Variants in PTPRQ observed in about 807,000 individuals in gnomAD.
The protein encoded by PTPRQ is phosphatidylinositol phosphatase PTPRQ.
Under a neutral mutation model 246.0 loss-of-function variants are expected in PTPRQ, and 199 were observed. The ratio of observed to expected loss-of-function variants is 0.81; its 90% confidence interval spans 0.72 to 0.91. The LOEUF (loss-of-function observed/expected upper bound fraction) is 0.91. Among genes scored for constraint, PTPRQ ranks in the 40% least tolerant of loss-of-function variants. The pLI is 0.00. For missense variants in PTPRQ, 2,624 were observed against 2,528.4 expected (o/e 1.04, Z -0.81); for synonymous variants, 869 against 853.2 (o/e 1.02, Z -0.32).
At chr12:80,486,938 A>C (rs1409479974) in intron 9 of PTPRQ, among the ~76,000 whole-genome samples, 2 of 152,154 alleles carry the variant, frequency 1.3e-5, no homozygotes, top group Non-Finnish European at 2.9e-5. Flanking sequence ...ATGTACTGTG[A>C]CATTGCAATT....
At chr12:80,598,538 TAACA>T (rs1406715018) in intron 26 of PTPRQ, among the ~76,000 whole-genome samples, 4 of 151,982 alleles carry the variant, frequency 2.6e-5, no homozygotes, top group African/African-American at 9.7e-5. Context: ...GAGAGACATC[TAACA>T]GTCAGTGCTA....
intron 25 of PTPRQ, among the ~76,000 whole-genome samples, chr12:80,561,712 G>A (rs763335544): frequency 2.0e-4 from 31 of 152,250 alleles, no homozygotes; most frequent in African/African-American, 3.4e-4. Context: ...TCTCTGCGTA[G>A]AAAATCATGC....
At chr12:80,623,855 C>A (rs543790881) in intron 33 of PTPRQ, among the ~76,000 whole-genome samples, 4 of 152,068 alleles carry the variant, frequency 2.6e-5, no homozygotes, top group Admixed American at 1.3e-4. Flanking sequence ...AGGGGGGGAG[C>A]GCCAAGCATC....
At chr12:80,623,820 G>A (rs1020235312) in intron 33 of PTPRQ, among the ~76,000 whole-genome samples, 33 of 152,102 alleles carry the variant, frequency 2.2e-4, no homozygotes, top group African/African-American at 7.5e-4. Flanking sequence ...TCAGGGTAAT[G>A]GAAATGAGAA....
intron 25 of PTPRQ, among the ~76,000 whole-genome samples, chr12:80,566,651 T>G (rs560980233): frequency 1.3e-5 from 2 of 152,040 alleles, no homozygotes; most frequent in South Asian, 4.2e-4. Flanking sequence ...GCGATCATCC[T>G]GCCTCAGTCT....
intron 39 of PTPRQ, among the ~76,000 whole-genome samples, chr12:80,661,556 C>T (rs768506214): frequency 2.0e-5 from 3 of 151,468 alleles, no homozygotes; most frequent in Non-Finnish European, 3.0e-5. Flanking sequence ...CACATACACA[C>T]ATATACTTAT....
chr12:80,654,576 G>A (rs1299923518), intron 38 of PTPRQ, among the ~76,000 whole-genome samples: 9 of 151,908 alleles, frequency 5.9e-5, no homozygotes, highest in African/African-American at 4.8e-5. Flanking sequence ...GGCCTGGCGC[G>A]GTGGCTCACG....
chr12:80,485,015 C>T (rs1004548047), intron 9 of PTPRQ, among the ~76,000 whole-genome samples: 2 of 151,442 alleles, frequency 1.3e-5, no homozygotes, highest in Non-Finnish European at 2.9e-5. Context: ...ACAAATGATT[C>T]TGTTCTATTT....
chr12:80,615,964 T>C (rs1037122533), intron 29 of PTPRQ, among the ~76,000 whole-genome samples: 6 of 150,942 alleles, frequency 4.0e-5, no homozygotes, highest in African/African-American at 7.3e-5. Context: ...AAATACTTCA[T>C]TGTTAATGTT....
chr12:80,598,337 G>A (rs151333642), intron 26 of PTPRQ, among the ~76,000 whole-genome samples: 12 of 152,088 alleles, frequency 7.9e-5, no homozygotes, highest in African/African-American at 2.6e-4. Context: ...TGGGCTCTAG[G>A]AAAACATCCA....
At chr12:80,630,345 A>C (rs904488280) in intron 33 of PTPRQ, among the ~76,000 whole-genome samples, 1 of 151,580 alleles carries the variant, frequency 6.6e-6, no homozygotes, top group African/African-American at 2.4e-5. Context: ...ATGTCCTTTA[A>C]TTTTTTTTCT....
At chr12:80,677,892 A>G (rs1901196737) in intron 43 of PTPRQ, among the ~76,000 whole-genome samples, 1 of 151,982 alleles carries the variant, frequency 6.6e-6, no homozygotes, top group South Asian at 2.1e-4. Flanking sequence ...TTTGAAATAT[A>G]CTTTTTTTTT....
At chr12:80,460,370 A>G (rs1330608117) in intron 5 of PTPRQ, among the ~76,000 whole-genome samples, 1 of 152,198 alleles carries the variant, frequency 6.6e-6, no homozygotes, top group Non-Finnish European at 1.5e-5. Context: ...CATGAAGCTT[A>G]AAAATTCTTA....
intron 38 of PTPRQ, among the ~76,000 whole-genome samples, chr12:80,655,359 A>C (rs1900397292): frequency 2.0e-5 from 3 of 152,192 alleles, no homozygotes. Context: ...ATTGGAACAC[A>C]GGAAACATTC....
intron 35 of PTPRQ, among the ~76,000 whole-genome samples, chr12:80,643,430 T>A (rs1355514828): frequency 7.0e-6 from 1 of 142,876 alleles, no homozygotes; most frequent in African/African-American, 2.7e-5. Context: ...AATCGTGAAA[T>A]CCCATCTCAA....
intron 7 of PTPRQ, among the ~76,000 whole-genome samples, chr12:80,471,633 AC>A (rs1565728042): frequency 1.5e-5 from 2 of 130,062 alleles, no homozygotes; most frequent in Non-Finnish European, 3.3e-5. Flanking sequence ...GCGCGCCACT[AC>A]GCCCGGCTAA....
intron 8 of PTPRQ, among the ~76,000 whole-genome samples, chr12:80,481,259 A>G (rs1894042869): frequency 6.6e-6 from 1 of 152,174 alleles, no homozygotes; most frequent in Admixed American, 6.5e-5. Context: ...TATAAACAGA[A>G]CCAAAGACAA....
intron 4 of PTPRQ, among the ~76,000 whole-genome samples, chr12:80,458,558 G>A (rs528646067): frequency 3.1e-4 from 46 of 150,722 alleles, no homozygotes; most frequent in African/African-American, 9.0e-4. Context: ...TATCTCAGAC[G>A]TTTTGTTTCA....
At chr12:80,557,650 C>A (rs569061855) in intron 25 of PTPRQ, among the ~76,000 whole-genome samples, 1 of 152,130 alleles carries the variant, frequency 6.6e-6, no homozygotes, top group Non-Finnish European at 1.5e-5. Flanking sequence ...TCTAACTAAA[C>A]ATTTTAAAGA....
Sources: gnomAD v4.1 joint callset for allele counts (sites outside exome capture counted in the v4.1 genomes callset) on GRCh38, gnomAD v4.1.1 for gene constraint, MANE v1.5 for transcripts, NCBI Gene and HGNC (gene_info 2026-07-23, HGNC 2026-07-21) for gene names.